B4GALT4: variants seen among roughly 807,000 people sequenced by gnomAD.
B4GALT4 encodes the protein beta-1,4-galactosyltransferase 4.
In B4GALT4, 27 loss-of-function variants were observed where a neutral mutation model predicts 37.3. The ratio of observed to expected loss-of-function variants is 0.72; its 90% CI spans 0.53 to 1.00. The LOEUF is 1.00. B4GALT4 is among the 50% of genes least tolerant of loss of function. The pLI, the probability that B4GALT4 is intolerant of heterozygous loss-of-function variation, is 0.00. For synonymous variants in B4GALT4, 148 were observed against 154.1 expected, an observed-to-expected ratio of 0.96 and a Z score of 0.29; for missense variants, 372 against 413.1, an observed-to-expected ratio of 0.90 and a Z score of 0.86.
At chr3:119,225,280 T>C (rs2078573739) in intron 4 of B4GALT4, among the ~76,000 whole-genome samples, 2 of 152,262 alleles carry the variant, frequency 1.3e-5, no homozygotes, top group Non-Finnish European at 2.9e-5. Context: ...TTCAAATTCC[T>C]TCAGAATGAA....
At chr3:119,222,450 GT>G (rs889445259) in intron 5 of B4GALT4, among the ~76,000 whole-genome samples, 2 of 151,940 alleles carry the variant, frequency 1.3e-5, no homozygotes, top group African/African-American at 4.8e-5. Context: ...ACTCAGACAT[GT>G]GGCGTCTCTC....
chr3:119,217,624 T>C (rs2078327356), intron 6 of B4GALT4, among the ~76,000 whole-genome samples: 1 of 152,140 alleles, frequency 6.6e-6, no homozygotes, highest in Admixed American at 6.5e-5. Flanking sequence ...ACAGATCACC[T>C]GAGGTCAGGA....
At chr3:119,240,530 C>T (rs2079124765) in intron 1 of B4GALT4, 1 of 152,242 alleles carries the variant, frequency 6.6e-6, no homozygotes, top group Non-Finnish European at 1.5e-5. Flanking sequence ...GGAATCGTGA[C>T]CTGGGGTATG....
chr3:119,224,356 G>A (rs1380022983), intron 4 of B4GALT4, 111 bp from the exon 5 acceptor site: 6 of 660,656 alleles, frequency 9.1e-6, no homozygotes, highest in East Asian at 6.5e-5. Context: ...CTACGCACGA[G>A]ACTACACTTG....
rs191980025 is a variant in B4GALT4, at chr3:119,225,618, A to G, written c.486+1191T>C. Among the ~76,000 whole-genome samples the G allele has an allele frequency of 4.9e-4, 74 of 151,762 alleles. 1 individual carries two copies. In the East Asian group the frequency reaches 0.014, roughly 29 times the overall value. On this transcript the variant is annotated intron_variant, in intron 4 of 7. Transcript: ENST00000393765. ...AGTATTTTGTATTTTTAGTAGAGACAGGGTTTCACTATGCTGGCCAGGCTA... is the reference window on the plus strand; with the variant it reads ...AGTATTTTGTATTTTTAGTAGAGACGGGGTTTCACTATGCTGGCCAGGCTA...
intron 2 of B4GALT4, among the ~76,000 whole-genome samples, chr3:119,230,533 C>A (rs1230824844): frequency 6.6e-6 from 1 of 152,232 alleles, no homozygotes; most frequent in African/African-American, 2.4e-5. Context: ...AAGGAGACTG[C>A]AAAGACCTGA....
intron 1 of B4GALT4, among the ~76,000 whole-genome samples, chr3:119,238,666 G>T (rs776700488): frequency 6.6e-5 from 10 of 152,008 alleles, no homozygotes; most frequent in Non-Finnish European, 1.3e-4. Flanking sequence ...TTATACTTTA[G>T]TATAGATATG....
intron 7 of B4GALT4, chr3:119,214,945 C>T (rs1255887968): frequency 6.6e-6 from 1 of 152,118 alleles, no homozygotes; most frequent in Non-Finnish European, 1.5e-5. Context: ...AATGACACAA[C>T]CAGACATTAC....
At position 119,212,402 on chromosome 3, in the gene B4GALT4, C is replaced by T; in HGVS notation, c.*147G>A. ...GTTTTATACTCTACATCACCAGGAG[C>T]TCTGCTAAGAAAATACAAAAAGGAA... On this transcript the variant is annotated 3_prime_UTR_variant, in exon 8 of 8. Coordinates refer to ENST00000393765, the MANE Select transcript of B4GALT4 (RefSeq NM_003778.4). 1 of 731,386 alleles carries T rather than the reference C, an allele frequency of 1.4e-6. No homozygotes were observed. The highest frequency in any genetic ancestry group is 2.2e-6 in the Non-Finnish European group (1 of 451,076). 45.3% of individuals were successfully genotyped at this position (731,386 alleles called of 1,614,324 possible).
In B4GALT4 at chr3:119,230,238, C is replaced by A; in HGVS notation, c.-139G>T. Reference sequence around the variant, plus strand: ...CTGGTTTTTCTCAGTAGTTCTGCTCCAACAGTCTAAAACGCAATCACAAAA... The same window carrying A: ...CTGGTTTTTCTCAGTAGTTCTGCTCAAACAGTCTAAAACGCAATCACAAAA... On this transcript the variant is annotated 5_prime_UTR_variant, in exon 3 of 8. Transcript: ENST00000393765. 1 of 1,116,678 alleles carries A rather than the reference C, an allele frequency of 9.0e-7. No individual in the cohort carries two copies. Among genetic ancestry groups the A allele is most frequent in the Non-Finnish European group, 1.3e-6 (1 of 785,030 alleles). The allele number at this position is 1,116,678 out of a possible 1,614,324, so 69.2% of individuals were successfully genotyped here. A position where few individuals can be genotyped will look rare whatever the true frequency, so the allele number is the denominator to read the frequency against.
chr3:119,231,353 CCT>C (rs1473516556), intron 2 of B4GALT4, among the ~76,000 whole-genome samples: 24 of 152,326 alleles, frequency 1.6e-4, no homozygotes, highest in Non-Finnish European at 3.2e-4. Context: ...TCCACCATAT[CCT>C]CTCTGTGTGG....
chr3:119,230,370 C>T lies in B4GALT4; in HGVS notation c.-145-126G>A, dbSNP rs1416597616. ...ACTAACCGTAATGGTAGGTCTTCCA[C>T]TTAGCATTTAGAGATTCGAAAACCA... On this transcript the variant is annotated intron_variant, in intron 2 of 7. Coordinates refer to ENST00000393765, the MANE Select transcript of B4GALT4 (RefSeq NM_003778.4). 1.8e-5 allele frequency: 8 copies of T among 448,226 alleles called. No individual in the cohort carries two copies. The South Asian group carries it at 2.3e-4, about 13-fold the overall frequency. 27.8% of individuals were successfully genotyped at this position (448,226 alleles called of 1,614,324 possible). A position where few individuals can be genotyped will look rare whatever the true frequency, so the allele number is the denominator to read the frequency against.
intron 4 of B4GALT4, chr3:119,226,581 C>T: frequency 1.9e-6 from 1 of 534,496 alleles, no homozygotes; most frequent in South Asian, 2.2e-5. Context: ...CAGGCTTCCT[C>T]CAGAGGTTCC....
chr3:119,228,908 G>A (rs2078719126), intron 3 of B4GALT4, among the ~76,000 whole-genome samples: 1 of 130,086 alleles, frequency 7.7e-6, no homozygotes, highest in Non-Finnish European at 1.7e-5. Context: ...GCATGTATGT[G>A]TGTGCGCACA....
At position 119,212,316 on chromosome 3, in the gene B4GALT4, C is replaced by T. The variant is rs1212942247; in HGVS notation, c.*233G>A. 4.4e-6 allele frequency: 3 copies of T among 676,358 alleles called. No individual in the cohort carries two copies. The Admixed American group carries it at 6.6e-5, about 15-fold the overall frequency. The allele number at this position is 676,358 out of a possible 1,614,324, so 41.9% of individuals were successfully genotyped here. On this transcript the variant is annotated 3_prime_UTR_variant, in exon 8 of 8. Coordinates refer to ENST00000393765, the MANE Select transcript of B4GALT4 (RefSeq NM_003778.4). ...CTTTTATATAAAGTCCTTCAAGTAT[C>T]CATATTACAATATTTAACCCTCATG... is the stretch of plus-strand genomic sequence containing the variant.
chr3:119,220,814 G>A (rs1031697754), intron 5 of B4GALT4, among the ~76,000 whole-genome samples: 5 of 152,176 alleles, frequency 3.3e-5, no homozygotes, highest in South Asian at 2.1e-4. Context: ...GCGAAACCCC[G>A]TCTCCACTAA....
rs116555522 is a variant in B4GALT4 at position 119,224,372 on chromosome 3, T to C, written c.487-127A>G. 1,516 of 631,052 alleles carry C rather than the reference T, an allele frequency of 2.4e-3. 27 individuals are homozygous for C. In the African/African-American group the frequency reaches 0.027, roughly 11 times the overall value. 39.1% of individuals were successfully genotyped at this position (631,052 alleles called of 1,614,324 possible). A position where few individuals can be genotyped will look rare whatever the true frequency, so the allele number is the denominator to read the frequency against. ...TACGCACGAGACTACACTTGTGACA[T>C]AAAGATCTGACAGAGAAGATGCAAT... On this transcript the variant is annotated intron_variant, in intron 4 of 7. Coordinates refer to ENST00000393765, the MANE Select transcript of B4GALT4 (RefSeq NM_003778.4).
At chr3:119,239,131 G>C (rs1044948380) in intron 1 of B4GALT4, among the ~76,000 whole-genome samples, 2 of 152,074 alleles carry the variant, frequency 1.3e-5, no homozygotes, top group African/African-American at 4.8e-5. Context: ...TTCCAGACCA[G>C]CCTGGACAAC....
rs2078362340 is a variant in B4GALT4, at chr3:119,218,746, C to A, written c.701G>T (p.Gly234Val). Residue 234 changes from glycine to valine, a missense_variant, in exon 6 of 8, where the codon GGT (glycine) becomes GTT (valine). Coordinates refer to ENST00000393765, the MANE Select transcript of B4GALT4 (RefSeq NM_003778.4). ...YRLRYSGYFG[G>V]VTALSREQFF... ...CTGCTCTCTGCTTAGGGCAGTAACA[C>A]CCCCAAAATATCCACTGTAACGTAA... The A allele has an allele frequency of 6.2e-7, 1 of 1,614,046 alleles. No homozygotes were observed. Among genetic ancestry groups the A allele is most frequent in the East Asian group, 2.2e-5 (1 of 44,884 alleles).
Sources: allele counts gnomAD v4.1 joint callset (sites outside exome capture counted in the v4.1 genomes callset), GRCh38; gene constraint gnomAD v4.1.1; transcripts MANE v1.5; gene names NCBI Gene and HGNC (gene_info 2026-07-23, HGNC 2026-07-21).